Variants in PTPRD observed in about 807,000 individuals in gnomAD.
The protein encoded by PTPRD is receptor-type tyrosine-protein phosphatase delta.
In PTPRD, 34 loss-of-function variants were observed where a neutral mutation model predicts 214.5. That is an observed-to-expected ratio of 0.16 (90% CI 0.12 to 0.21). PTPRD has a LOEUF of 0.21. Among genes scored for constraint, PTPRD ranks in the 10% least tolerant of loss-of-function variants. The pLI, the probability that PTPRD is intolerant of heterozygous loss-of-function variation, is 1.00. For missense variants in PTPRD, 2,545 were observed against 2,398.7 expected (o/e 1.06, Z -1.27); for synonymous variants, 1,128 against 845.7 (o/e 1.33, Z -5.79).
intron 8 of PTPRD, among the ~76,000 whole-genome samples, chr9:9,451,385 T>C (rs989048785): frequency 2.6e-5 from 4 of 151,792 alleles, no homozygotes; most frequent in African/African-American, 9.7e-5. Flanking sequence ...AACCACAAAA[T>C]TTTAATAACA....
chr9:8,592,699 T>C (rs979477105), intron 14 of PTPRD, among the ~76,000 whole-genome samples: 4 of 152,184 alleles, frequency 2.6e-5, no homozygotes, highest in African/African-American at 4.8e-5. Context: ...ATTGAGATAA[T>C]TGGTGTCTCG....
chr9:9,415,707 G>A (rs926873839), intron 8 of PTPRD, among the ~76,000 whole-genome samples: 2 of 151,986 alleles, frequency 1.3e-5, no homozygotes, highest in African/African-American at 2.4e-5. Flanking sequence ...TAAATTTAAG[G>A]TGAAAAAAAG....
chr9:8,833,739 C>CAA (rs1295443532), intron 11 of PTPRD, among the ~76,000 whole-genome samples: 2 of 150,790 alleles, frequency 1.3e-5, no homozygotes, highest in African/African-American at 4.9e-5. Flanking sequence ...CACACACACA[C>CAA]ACACACACGA....
At chr9:8,763,905 G>A (rs1001450660) in intron 11 of PTPRD, among the ~76,000 whole-genome samples, 1 of 151,940 alleles carries the variant, frequency 6.6e-6, no homozygotes, top group East Asian at 1.9e-4. Context: ...TACTAAATAT[G>A]GTAAATTCAA....
At position 10,579,141 on chromosome 9, in the gene PTPRD, TA is replaced by T. The variant is rs1010107438; in HGVS notation, c.-600+33256del. Among the ~76,000 whole-genome samples the T allele has an allele frequency of 4.3e-4, 65 of 151,844 alleles. 1 individual carries two copies. Among genetic ancestry groups the T allele is most frequent in the Admixed American group, 5.2e-4 (8 of 15,252 alleles). ...CCCTGTGTGGATTACTATGCAGCCA[TA>T]AAAAAAGAATGAGATCATGTCCTTT... On this transcript the variant is annotated intron_variant, in intron 2 of 45. Transcript: ENST00000381196.
chr9:10,473,077 C>G (rs967636720), intron 2 of PTPRD, among the ~76,000 whole-genome samples: 1 of 151,834 alleles, frequency 6.6e-6, no homozygotes, highest in African/African-American at 2.4e-5. Context: ...ATTGTTATAT[C>G]ACGCTCCAGT....
intron 8 of PTPRD, among the ~76,000 whole-genome samples, chr9:9,561,772 A>G (rs1224152889): frequency 6.6e-6 from 1 of 152,202 alleles, no homozygotes; most frequent in African/African-American, 2.4e-5. Context: ...ATTGAAAGAC[A>G]TCACATACTT....
intron 3 of PTPRD, among the ~76,000 whole-genome samples, chr9:10,290,978 T>A (rs1019911650): frequency 1.3e-5 from 2 of 151,944 alleles, no homozygotes; most frequent in African/African-American, 4.8e-5. Context: ...CATCTAACAG[T>A]CTGACCTTCC....
intron 14 of PTPRD, among the ~76,000 whole-genome samples, chr9:8,549,975 T>C (rs1181749436): frequency 1.3e-5 from 2 of 152,274 alleles, no homozygotes; most frequent in South Asian, 2.1e-4. Flanking sequence ...TTAAAATTAA[T>C]GTAGGAGTGC....
intron 3 of PTPRD, among the ~76,000 whole-genome samples, chr9:10,135,660 T>C (rs1298145129): frequency 1.3e-5 from 2 of 152,062 alleles, no homozygotes; most frequent in Non-Finnish European, 2.9e-5. Flanking sequence ...AATAAAATTC[T>C]TTTCAGACAA....
intron 7 of PTPRD, among the ~76,000 whole-genome samples, chr9:9,693,577 G>T (rs774525438): frequency 5.9e-5 from 9 of 152,074 alleles, no homozygotes; most frequent in Admixed American, 2.6e-4. Context: ...GTCTTATTTA[G>T]GTTAAGTATG....
At chr9:8,439,934 A>ATTTTTTTT (rs2095487158) in intron 34 of PTPRD, among the ~76,000 whole-genome samples, 1 of 66,016 alleles carries the variant, frequency 1.5e-5, no homozygotes, top group Non-Finnish European at 3.0e-5. Context: ...GATGTGCTTT[A>ATTTTTTTT]ATTTTTTTTT....
chr9:9,122,171 G>C lies in PTPRD; in HGVS notation c.-143+61133C>G, dbSNP rs147472102. Among the ~76,000 whole-genome samples the C allele has an allele frequency of 2.6e-5, 4 of 152,284 alleles. No individual in the cohort carries two copies. The East Asian group carries it at 7.7e-4, about 29-fold the overall frequency. On this transcript the variant is annotated intron_variant, in intron 10 of 45. Transcript: ENST00000381196. ...ATATCTGGTTTCCTGAGATCTTACA[G>C]TGAAATGATGTGTTACAAAAGAGTT...
intron 2 of PTPRD, among the ~76,000 whole-genome samples, chr9:10,410,270 TACACACACACACACAATATATA>T (rs2098420353): frequency 3.6e-5 from 5 of 139,820 alleles, no homozygotes; most frequent in Admixed American, 1.5e-4. Context: ...TATATATATA[TACACACACACACACAATATATA>T]ATATATATAA....
chr9:9,398,468 T>C (rs776944252), intron 8 of PTPRD, among the ~76,000 whole-genome samples: 4 of 152,012 alleles, frequency 2.6e-5, no homozygotes, highest in East Asian at 1.9e-4. Flanking sequence ...ATAGATAGCA[T>C]ATGGTGCACA....
At chr9:9,287,632 T>C (rs1949928162) in intron 9 of PTPRD, among the ~76,000 whole-genome samples, 3 of 151,942 alleles carry the variant, frequency 2.0e-5, no homozygotes, top group African/African-American at 4.8e-5. Context: ...GCATAAATCA[T>C]ACTAATGAAA....
intron 3 of PTPRD, among the ~76,000 whole-genome samples, chr9:10,074,142 A>C (rs1375836560): frequency 1.3e-5 from 2 of 152,106 alleles, no homozygotes; most frequent in African/African-American, 4.8e-5. Context: ...GGCCTACTCA[A>C]TTCTGCCGAT....
chr9:8,706,131 C>T (rs193076368), intron 12 of PTPRD, among the ~76,000 whole-genome samples: 149 of 152,180 alleles, frequency 9.8e-4, no homozygotes, highest in African/African-American at 3.4e-3. Context: ...TTTATTACTT[C>T]CACAATTCTC....
intron 11 of PTPRD, among the ~76,000 whole-genome samples, chr9:8,849,012 C>T (rs2097761587): frequency 6.6e-6 from 1 of 152,096 alleles, no homozygotes; most frequent in Non-Finnish European, 1.5e-5. Flanking sequence ...ATATCAACCA[C>T]TATGCTATAG....
Sources: allele counts gnomAD v4.1 joint callset (sites outside exome capture counted in the v4.1 genomes callset), GRCh38; gene constraint gnomAD v4.1.1; transcripts MANE v1.5; gene names NCBI Gene and HGNC (gene_info 2026-07-23, HGNC 2026-07-21).